The following CABCOCO1 variants were observed in gnomAD, a reference collection of about 807,000 sequenced individuals.
CABCOCO1 encodes the protein ciliary associated calcium binding coiled-coil 1.
CABCOCO1 carries 28 observed loss-of-function variants against 35.7 expected under a neutral mutation model. The observed-to-expected ratio is 0.78, with a 90% confidence interval of 0.58 to 1.07. The LOEUF (loss-of-function observed/expected upper bound fraction) is 1.07. Ranked by LOEUF, CABCOCO1 falls within the 50% of genes least tolerant of loss-of-function variation. The pLI is 0.00. For synonymous variants in CABCOCO1, 95 were observed against 100.1 expected (o/e 0.95, Z 0.30); for missense variants, 326 against 309.2 (o/e 1.05, Z -0.41).
chr10:61,694,322 C>T (rs1223314748), intron 5 of CABCOCO1, among the ~76,000 whole-genome samples: 1 of 145,656 alleles, frequency 6.9e-6, no homozygotes, highest in Non-Finnish European at 1.5e-5. Flanking sequence ...TCTCATAGTT[C>T]GTTTTAATAC....
At chr10:61,715,321 A>G (rs373935110) in intron 5 of CABCOCO1, among the ~76,000 whole-genome samples, 15 of 152,190 alleles carry the variant, frequency 9.9e-5, no homozygotes, top group African/African-American at 3.6e-4. Flanking sequence ...TTTATCAGAG[A>G]TTAGGCTTGC....
chr10:61,752,857 C>A (rs1841819647), intron 5 of CABCOCO1, among the ~76,000 whole-genome samples: 3 of 152,086 alleles, frequency 2.0e-5, no homozygotes, highest in African/African-American at 7.2e-5. Flanking sequence ...TTGTGGACTT[C>A]GGGACTGAAG....
chr10:61,715,762 A>G (rs1029187402), intron 5 of CABCOCO1, among the ~76,000 whole-genome samples: 4 of 152,152 alleles, frequency 2.6e-5, no homozygotes, highest in Non-Finnish European at 4.4e-5. Context: ...TTTCTCCTTC[A>G]CTTATGAAGC....
intron 5 of CABCOCO1, among the ~76,000 whole-genome samples, chr10:61,753,959 A>C (rs950434358): frequency 2.0e-5 from 3 of 152,176 alleles, no homozygotes; most frequent in African/African-American, 4.8e-5. Flanking sequence ...TTACATATAA[A>C]AATAGCATGG....
In CABCOCO1 at chr10:61,662,940, G is replaced by C. The variant is rs933274800; in HGVS notation, c.-33G>C. On this transcript the variant is annotated 5_prime_UTR_variant, in exon 1 of 8. Coordinates refer to ENST00000648843, the MANE Select transcript of CABCOCO1 (RefSeq NM_001366906.2). ...GCCCCACCCCAGTTGCCTAGGTGAC[G>C]AGGGGCCGCTTCTCTCGGCCGAGAT... is the stretch of plus-strand genomic sequence containing the variant. 3.2e-4 allele frequency: 125 copies of C among 389,222 alleles called. No individual in the cohort carries two copies. The highest frequency in any genetic ancestry group is 1.0e-4 in the Non-Finnish European group (19 of 185,656). 24.1% of individuals were successfully genotyped at this position (389,222 alleles called of 1,614,324 possible). A position where few individuals can be genotyped will look rare whatever the true frequency, so the allele number is the denominator to read the frequency against.
intron 5 of CABCOCO1, among the ~76,000 whole-genome samples, chr10:61,713,970 CT>C (rs983115475): frequency 4.0e-5 from 6 of 151,830 alleles, no homozygotes; most frequent in Admixed American, 1.3e-4. Flanking sequence ...CTACAATTCT[CT>C]TTTTTTTGTT....
chr10:61,704,805 AT>A lies in CABCOCO1; in HGVS notation c.552+14197del, dbSNP rs34865303. Among the ~76,000 whole-genome samples the A allele has an allele frequency of 6.4e-3, 858 of 134,886 alleles. 8 individuals are homozygous for A. Among genetic ancestry groups the A allele is most frequent in the African/African-American group, 0.015 (545 of 36,350 alleles). The allele number at this position is 134,886 out of a possible 152,430, so 88.5% of individuals were successfully genotyped here. On this transcript the variant is annotated intron_variant, in intron 5 of 7. Transcript: ENST00000648843. ...CAATCATCCCCAAAATGCTTACTCC[AT>A]TTTTTTTTTTTTCATTTTCTCCTCC...
chr10:61,691,140 A>G (rs1032712325), intron 5 of CABCOCO1, among the ~76,000 whole-genome samples: 2 of 152,170 alleles, frequency 1.3e-5, no homozygotes, highest in African/African-American at 4.8e-5. Context: ...TGTGTGCCAA[A>G]TGATCTCTTA....
chr10:61,703,406 G>A (rs1295527145), intron 5 of CABCOCO1, among the ~76,000 whole-genome samples: 1 of 152,010 alleles, frequency 6.6e-6, no homozygotes, highest in East Asian at 1.9e-4. Context: ...GGGAAAAAAA[G>A]ACATAATATA....
At chr10:61,683,161 G>C (rs1253198781) in intron 3 of CABCOCO1, among the ~76,000 whole-genome samples, 2 of 152,070 alleles carry the variant, frequency 1.3e-5, no homozygotes, top group Non-Finnish European at 2.9e-5. Flanking sequence ...AAAGTGCTAG[G>C]ATTACAGGCA....
chr10:61,738,126 T>C (rs1841467034), intron 5 of CABCOCO1, among the ~76,000 whole-genome samples: 1 of 151,460 alleles, frequency 6.6e-6, no homozygotes, highest in Non-Finnish European at 1.5e-5. Context: ...GGGCTTGGCA[T>C]CTCTAGTTTT....
intron 5 of CABCOCO1, among the ~76,000 whole-genome samples, chr10:61,745,074 C>G (rs535492958): frequency 6.6e-6 from 1 of 152,186 alleles, no homozygotes; most frequent in African/African-American, 2.4e-5. Context: ...ACATAAATGT[C>G]AGTAGTTATT....
intron 5 of CABCOCO1, among the ~76,000 whole-genome samples, chr10:61,749,832 T>C (rs1240503548): frequency 1.3e-5 from 2 of 152,226 alleles, no homozygotes. Context: ...CTTTAAGCTT[T>C]TGGCTCTTTC....
chr10:61,680,959 C>A (rs562151534), intron 2 of CABCOCO1, among the ~76,000 whole-genome samples, 184 bp from the exon 3 acceptor site: 1 of 151,122 alleles, frequency 6.6e-6, no homozygotes, highest in East Asian at 2.0e-4. Flanking sequence ...AGTTTGCTCC[C>A]CCATCCTCGT....
At chr10:61,712,042 CT>C (rs1198013688) in intron 5 of CABCOCO1, among the ~76,000 whole-genome samples, 2 of 152,036 alleles carry the variant, frequency 1.3e-5, no homozygotes, top group African/African-American at 2.4e-5. Context: ...GTTCTAGATC[CT>C]TGAGGAATCG....
chr10:61,694,956 T>C (rs1237919660), intron 5 of CABCOCO1, among the ~76,000 whole-genome samples: 1 of 152,114 alleles, frequency 6.6e-6, no homozygotes, highest in African/African-American at 2.4e-5. Flanking sequence ...ATGTGTATAG[T>C]GTTGTTAACT....
chr10:61,725,897 T>C (rs1389909263), intron 5 of CABCOCO1, among the ~76,000 whole-genome samples: 2 of 151,928 alleles, frequency 1.3e-5, no homozygotes, highest in Admixed American at 6.6e-5. Context: ...TAAACACTTA[T>C]ACCAAGAAAA....
intron 5 of CABCOCO1, among the ~76,000 whole-genome samples, chr10:61,752,927 G>A (rs1841821114): frequency 6.6e-6 from 1 of 152,136 alleles, no homozygotes; most frequent in South Asian, 2.1e-4. Flanking sequence ...TATCTAAATA[G>A]TTTCAGCCTC....
chr10:61,665,727 A>G (rs1044504805), intron 1 of CABCOCO1, among the ~76,000 whole-genome samples: 5 of 151,778 alleles, frequency 3.3e-5, no homozygotes, highest in African/African-American at 9.7e-5. Context: ...CTTTACTAAA[A>G]ATACAAAAAA....
Sources: allele counts gnomAD v4.1 joint callset (sites outside exome capture counted in the v4.1 genomes callset), GRCh38; gene constraint gnomAD v4.1.1; transcripts MANE v1.5; gene names NCBI Gene and HGNC (gene_info 2026-07-23, HGNC 2026-07-21).